Variants in SKI observed in about 807,000 individuals in gnomAD.
SKI encodes ski oncogene.
In SKI, 23 loss-of-function variants were observed where a neutral mutation model predicts 59.3. That is an observed-to-expected ratio of 0.39 (90% CI 0.28 to 0.55). SKI has a LOEUF of 0.55. SKI is among the 20% of genes least tolerant of loss of function. The pLI, the probability that SKI is intolerant of heterozygous loss-of-function variation, is 0.67. For synonymous variants in SKI, 673 were observed against 488.6 expected (o/e 1.38, Z -4.98); for missense variants, 1,017 against 1,038.9 (o/e 0.98, Z 0.29).
chr1:2,287,429 C>T (rs1010957528), intron 1 of SKI, among the ~76,000 whole-genome samples: 10 of 151,584 alleles, frequency 6.6e-5, no homozygotes, highest in Admixed American at 1.3e-4. Flanking sequence ...CTCCGCCTCC[C>T]GGGTTCACGC....
At chr1:2,284,943 A>T (rs1214810435) in intron 1 of SKI, among the ~76,000 whole-genome samples, 1 of 152,206 alleles carries the variant, frequency 6.6e-6, no homozygotes, top group Admixed American at 6.5e-5. Flanking sequence ...GGCCTTTCTG[A>T]TGATCAGAAT....
At chr1:2,243,951 C>T (rs1416778589) in intron 1 of SKI, among the ~76,000 whole-genome samples, 2 of 148,494 alleles carry the variant, frequency 1.3e-5, no homozygotes, top group Admixed American at 1.3e-4. Flanking sequence ...TTGTTTTACC[C>T]AAACTTTTCT....
chr1:2,278,462 C>T (rs1323564928), intron 1 of SKI, among the ~76,000 whole-genome samples: 2 of 152,236 alleles, frequency 1.3e-5, no homozygotes, highest in East Asian at 1.9e-4. Context: ...GGGTCTGTCC[C>T]TCCCTTCACC....
At chr1:2,258,154 T>C (rs937321299) in intron 1 of SKI, among the ~76,000 whole-genome samples, 6 of 152,202 alleles carry the variant, frequency 3.9e-5, no homozygotes, top group African/African-American at 7.2e-5. Flanking sequence ...TAACCAGAAG[T>C]AATCTTTGGA....
chr1:2,306,746 C>A lies in SKI; in HGVS notation c.2168C>A (p.Ala723Asp), dbSNP rs1264586139. 2.6e-6 allele frequency: 4 copies of A among 1,525,186 alleles called. No individual in the cohort carries two copies. The highest frequency in any genetic ancestry group is 3.5e-6 in the Non-Finnish European group (4 of 1,139,228). The allele number at this position is 1,525,186 out of a possible 1,614,324, so 94.5% of individuals were successfully genotyped here. A position where few individuals can be genotyped will look rare whatever the true frequency, so the allele number is the denominator to read the frequency against. The change falls in exon 7 of 7, where the codon GCT (alanine) becomes GAT (aspartate). Residue 723 changes from alanine to aspartate, a missense_variant. Coordinates refer to ENST00000378536, the MANE Select transcript of SKI (RefSeq NM_003036.4). ...ARPEAAGSEG[A>D]AELEP ...CCCGAGGCTGCGGGCAGCGAGGGCG[C>A]TGCGGAGCTGGAGCCGTAGATTCCG... is the stretch of plus-strand genomic sequence containing the variant.
chr1:2,269,523 C>T lies in SKI; in HGVS notation c.970-33455C>T, dbSNP rs772056929. Among the ~76,000 whole-genome samples the T allele has an allele frequency of 6.6e-6, 1 of 152,260 alleles. No individual in the cohort carries two copies. Among genetic ancestry groups the T allele is most frequent in the Non-Finnish European group, 1.5e-5 (1 of 68,046 alleles). On this transcript the variant is annotated intron_variant, in intron 1 of 6. Transcript: ENST00000378536. This position sits in a 1 kb window ranked among gnomAD's most constrained non-coding sequence, Gnocchi z 4.7. ...CCGTTTTGCAGGCTGGGTTCATCCC[C>T]GTTCCAGGCCCGCACTAGTGGCGCC... is the stretch of plus-strand genomic sequence containing the variant.
chr1:2,306,924 C>T lies in SKI; in HGVS notation c.*159C>T, dbSNP rs564983050. ...TGTTTGTAACCATGTAGTTTTGGAA[C>T]CCACTGCAAAATTTTCTACTGGCCA... On this transcript the variant is annotated 3_prime_UTR_variant, in exon 7 of 7. Transcript: ENST00000378536. 1.3e-5 allele frequency: 6 copies of T among 474,302 alleles called. No individual in the cohort carries two copies. In the Admixed American group the frequency reaches 2.0e-4, roughly 16 times the overall value. 29.4% of individuals were successfully genotyped at this position (474,302 alleles called of 1,614,324 possible).
At position 2,303,548 on chromosome 1, in the gene SKI, G is replaced by A. The variant is rs916954229; in HGVS notation, c.1211+148G>A. On this transcript the variant is annotated intron_variant, in intron 3 of 6. Coordinates refer to ENST00000378536, the MANE Select transcript of SKI (RefSeq NM_003036.4). The surrounding 1 kb of genome is among the most constrained non-coding windows in gnomAD (Gnocchi z 5.6). The stretch of plus-strand genomic sequence containing the variant: ...AGTCTCGGTGTTGGTTCCTTTGGCT[G>A]GCATCAGGGAGAGCACACCTAGAGC... 1 of 754,550 alleles carries A rather than the reference G, an allele frequency of 1.3e-6. No homozygotes were observed. Among genetic ancestry groups the A allele is most frequent in the South Asian group, 1.7e-5 (1 of 59,216 alleles). 46.7% of individuals were successfully genotyped at this position (754,550 alleles called of 1,614,324 possible).
intron 1 of SKI, among the ~76,000 whole-genome samples, chr1:2,287,478 A>G (rs1640064490): frequency 1.3e-5 from 2 of 151,862 alleles, no homozygotes; most frequent in Admixed American, 1.3e-4. Context: ...CTGGGACTAC[A>G]GGTGCCCGCC....
intron 1 of SKI, among the ~76,000 whole-genome samples, chr1:2,294,778 C>G (rs951536326): frequency 2.0e-5 from 3 of 152,242 alleles, no homozygotes; most frequent in Non-Finnish European, 4.4e-5. Flanking sequence ...CCAGGGCCCT[C>G]AGGCCCCCGT....
chr1:2,299,038 T>C (rs1016851201), intron 1 of SKI, among the ~76,000 whole-genome samples: 3 of 152,176 alleles, frequency 2.0e-5, no homozygotes, highest in East Asian at 1.9e-4. Flanking sequence ...GCAGGCTCTA[T>C]GTGGTTGTTT....
At chr1:2,290,830 T>G (rs1421715377) in intron 1 of SKI, among the ~76,000 whole-genome samples, 3 of 152,164 alleles carry the variant, frequency 2.0e-5, no homozygotes, top group Non-Finnish European at 4.4e-5. Flanking sequence ...TACGAAACAC[T>G]CTTAATTGAG....
intron 1 of SKI, among the ~76,000 whole-genome samples, chr1:2,237,983 T>A (rs1253156020): frequency 6.6e-6 from 1 of 152,154 alleles, no homozygotes. Context: ...GGCGGGCGTC[T>A]CTCCCCGGTG....
At position 2,295,702 on chromosome 1, in the gene SKI, CCGGGCCACG is replaced by C. The variant is rs1640269195; in HGVS notation, c.970-7275_970-7267del. Among the ~76,000 whole-genome samples, 10 of 151,790 alleles carry C rather than the reference CCGGGCCACG, an allele frequency of 6.6e-5. No homozygotes were observed. In the South Asian group the frequency reaches 2.1e-3, roughly 32 times the overall value. On this transcript the variant is annotated intron_variant, in intron 1 of 6. Transcript: ENST00000378536. ...GTCCGGGTCACACGTGACTGTGTGTCCGGGCCACGTGTGGCTATGTGTCCAGGCCACGTG... is the reference window on the plus strand; with the variant it reads ...GTCCGGGTCACACGTGACTGTGTGTCTGTGGCTATGTGTCCAGGCCACGTG...
intron 1 of SKI, among the ~76,000 whole-genome samples, chr1:2,235,811 C>T (rs1638739014): frequency 6.6e-6 from 1 of 152,260 alleles, no homozygotes; most frequent in African/African-American, 2.4e-5. Context: ...CCTGCGTTGG[C>T]CATGGCCCGG....
intron 1 of SKI, among the ~76,000 whole-genome samples, chr1:2,299,263 C>G (rs759826639): frequency 7.9e-5 from 12 of 151,974 alleles, no homozygotes; most frequent in Middle Eastern, 3.4e-3. Flanking sequence ...AGGGGGGGGG[C>G]CACACGGGCA....
intron 1 of SKI, among the ~76,000 whole-genome samples, chr1:2,280,169 A>G (rs1381287368): frequency 6.6e-6 from 1 of 151,786 alleles, no homozygotes; most frequent in Non-Finnish European, 1.5e-5. Context: ...GGAGTTAAAG[A>G]TTAGCCTGGC....
At chr1:2,291,396 G>A (rs1640159144) in intron 1 of SKI, among the ~76,000 whole-genome samples, 1 of 152,214 alleles carries the variant, frequency 6.6e-6, no homozygotes, top group Admixed American at 6.5e-5. Context: ...GGCTCAGGCT[G>A]GATGGGGAGG....
At chr1:2,237,980 G>A (rs952244937) in intron 1 of SKI, among the ~76,000 whole-genome samples, 1 of 152,214 alleles carries the variant, frequency 6.6e-6, no homozygotes, top group Non-Finnish European at 1.5e-5. Context: ...TGTGGCGGGC[G>A]TCTCTCCCCG....
Sources: gnomAD v4.1 joint callset for allele counts (sites outside exome capture counted in the v4.1 genomes callset) on GRCh38, gnomAD v4.1.1 for gene constraint, Gnocchi (gnomAD v3.1) non-coding constraint, MANE v1.5 for transcripts, NCBI Gene and HGNC (gene_info 2026-07-23, HGNC 2026-07-21) for gene names.